The following RPS6KA2 variants were observed in gnomAD, a reference collection of about 807,000 sequenced individuals.
The protein encoded by RPS6KA2 is ribosomal protein S6 kinase alpha-2.
A neutral mutation model predicts 91.8 loss-of-function variants in RPS6KA2; 42 were observed. That is an observed-to-expected ratio of 0.46 (90% CI 0.36 to 0.59). RPS6KA2 has a LOEUF of 0.59. Ranked by LOEUF, RPS6KA2 falls within the 20% of genes least tolerant of loss-of-function variation. The pLI is 0.00. For missense variants in RPS6KA2, 798 were observed against 978.5 expected (o/e 0.82, Z 2.46); for synonymous variants, 414 against 393.6 (o/e 1.05, Z -0.61).
At chr6:166,599,996 A>AGTTTGTTT (rs111718759) in intron 1 of RPS6KA2, among the ~76,000 whole-genome samples, 15 of 151,886 alleles carry the variant, frequency 9.9e-5, no homozygotes, top group East Asian at 5.8e-4. Context: ...GAGGGTGGTA[A>AGTTTGTTT]GTTTGTTTGT....
chr6:166,731,642 T>G (rs1002606065), intron 2 of RPS6KA2, among the ~76,000 whole-genome samples: 1 of 151,878 alleles, frequency 6.6e-6, no homozygotes, highest in Non-Finnish European at 1.5e-5. Flanking sequence ...CCTGCTTGAG[T>G]CGCTCCATTC....
chr6:166,463,936 CAGA>C (rs768578915), intron 11 of RPS6KA2, among the ~76,000 whole-genome samples: 93 of 152,282 alleles, frequency 6.1e-4, no homozygotes, highest in Non-Finnish European at 9.6e-4. Flanking sequence ...GTGGGTCCAA[CAGA>C]AGAAGCACCT....
chr6:166,732,638 C>T lies in RPS6KA2; in HGVS notation c.123+125562G>A, dbSNP rs955950222. Among the ~76,000 whole-genome samples the T allele has an allele frequency of 6.6e-6, 1 of 152,226 alleles. No homozygotes were observed. The highest frequency in any genetic ancestry group is 1.5e-5 in the Non-Finnish European group (1 of 68,050). On this transcript the variant is annotated intron_variant, in intron 2 of 21. Transcript: ENST00000503859. This position sits in a 1 kb window ranked among gnomAD's most constrained non-coding sequence, Gnocchi z 4.0. ...TTCAACCAGCATCAAAGAAAGGAGCCGCCTTTGCAGGGATTGCTGTCTAGG... is the reference window on the plus strand; with the variant it reads ...TTCAACCAGCATCAAAGAAAGGAGCTGCCTTTGCAGGGATTGCTGTCTAGG...
chr6:166,811,304 G>A (rs1779635202), intron 2 of RPS6KA2, among the ~76,000 whole-genome samples: 1 of 152,232 alleles, frequency 6.6e-6, no homozygotes, highest in Non-Finnish European at 1.5e-5. Context: ...GCCTCAGACA[G>A]AGCTTGCCCA....
chr6:166,604,749 A>T (rs1046767764), intron 1 of RPS6KA2, among the ~76,000 whole-genome samples: 4 of 152,222 alleles, frequency 2.6e-5, no homozygotes, highest in Non-Finnish European at 5.9e-5. Flanking sequence ...AATGATCCAC[A>T]CTAATGGAGG....
At chr6:166,792,375 CAA>C (rs201544876) in intron 2 of RPS6KA2, among the ~76,000 whole-genome samples, 45,122 of 151,522 alleles carry the variant, frequency 0.3, 6,945 homozygotes, top group Middle Eastern at 0.34. Flanking sequence ...GCCTACCAAC[CAA>C]AAAAAGTCCA....
At chr6:166,504,061 C>A (rs1384269978) in intron 6 of RPS6KA2, among the ~76,000 whole-genome samples, 1 of 152,168 alleles carries the variant, frequency 6.6e-6, no homozygotes, top group Non-Finnish European at 1.5e-5. Context: ...AAAGGGCTTC[C>A]TGAATCTGGA....
At chr6:166,773,373 T>G (rs1245547092) in intron 2 of RPS6KA2, among the ~76,000 whole-genome samples, 1 of 144,570 alleles carries the variant, frequency 6.9e-6, no homozygotes, top group Non-Finnish European at 1.5e-5. Context: ...CCACTTTTCT[T>G]TTCTTTCTTT....
intron 11 of RPS6KA2, among the ~76,000 whole-genome samples, chr6:166,462,526 A>T (rs960577153): frequency 1.3e-5 from 2 of 152,152 alleles, no homozygotes; most frequent in South Asian, 4.1e-4. Flanking sequence ...AATACTAAGT[A>T]TCTGCTGCTA....
intron 2 of RPS6KA2, among the ~76,000 whole-genome samples, chr6:166,643,722 A>G (rs1787520489): frequency 6.6e-6 from 1 of 152,222 alleles, no homozygotes; most frequent in African/African-American, 2.4e-5. Context: ...TTAATACTGA[A>G]TCCTCCTAAA....
chr6:166,832,739 T>A (rs1352988394), intron 2 of RPS6KA2, among the ~76,000 whole-genome samples: 1 of 152,214 alleles, frequency 6.6e-6, no homozygotes, highest in African/African-American at 2.4e-5. Context: ...ATTAATTTGA[T>A]CTAACTGGGG....
rs1047152034 is a variant in RPS6KA2 at position 166,786,248 on chromosome 6, G to A, written c.123+71952C>T. Among the ~76,000 whole-genome samples, 6 of 152,326 alleles carry A rather than the reference G, an allele frequency of 3.9e-5. No homozygotes were observed. The East Asian group carries it at 1.2e-3, about 29-fold the overall frequency. On this transcript the variant is annotated intron_variant, in intron 2 of 21. Coordinates refer to the RPS6KA2 transcript ENST00000503859. ...AACACAGGAGTGGCAGCCTGGCTCA[G>A]CCAGCCCAGAAAAATGTCTTTAAAA...
At chr6:166,834,021 A>C (rs937997519) in intron 2 of RPS6KA2, among the ~76,000 whole-genome samples, 1 of 152,104 alleles carries the variant, frequency 6.6e-6, no homozygotes, top group Non-Finnish European at 1.5e-5. Flanking sequence ...GATGTGAGTC[A>C]CCATGCCTGT....
In RPS6KA2 at chr6:166,580,975, C is replaced by G. The variant is rs1438084395; in HGVS notation, c.100-42191G>C. 2.6e-5 allele frequency among the ~76,000 whole-genome samples: 4 copies of G among 152,274 alleles called. No individual in the cohort carries two copies. The East Asian group carries it at 7.7e-4, about 29-fold the overall frequency. ...GGAATGCAGTGGCGCAATCTCGGCT[C>G]ACTGCAACCTCTGCCTCCCAGGTTC... On this transcript the variant is annotated intron_variant, in intron 1 of 20. Coordinates refer to ENST00000265678, the MANE Select transcript of RPS6KA2 (RefSeq NM_021135.6).
intron 2 of RPS6KA2, chr6:166,757,495 G>A (rs748705700): frequency 2.2e-6 from 1 of 455,928 alleles, no homozygotes; most frequent in South Asian, 1.6e-5. Context: ...CAAGCTCCCT[G>A]GGACCCCCAT....
chr6:166,724,239 G>C (rs1240432594), intron 2 of RPS6KA2, among the ~76,000 whole-genome samples: 2 of 152,076 alleles, frequency 1.3e-5, no homozygotes, highest in Non-Finnish European at 2.9e-5. Flanking sequence ...ATGAGTTAAA[G>C]TTTCCTAACT....
At chr6:166,718,686 T>A (rs1790089283) in intron 2 of RPS6KA2, among the ~76,000 whole-genome samples, 1 of 152,160 alleles carries the variant, frequency 6.6e-6, no homozygotes, top group African/African-American at 2.4e-5. Context: ...TACAGACGTA[T>A]CTGTAAATCT....
upstream of RPS6KA2, chr6:166,627,349 C>T (rs1786931220): frequency 6.7e-6 from 3 of 446,038 alleles, no homozygotes; most frequent in African/African-American, 6.4e-5. Flanking sequence ...ACCTCCTCCT[C>T]CTCCGCCCCG....
chr6:166,542,606 C>A (rs930608511), intron 1 of RPS6KA2, among the ~76,000 whole-genome samples: 5 of 152,194 alleles, frequency 3.3e-5, no homozygotes, highest in Admixed American at 3.3e-4. Flanking sequence ...CAAATTGTGA[C>A]AAGGAATTTT....
Sources: allele counts gnomAD v4.1 joint callset (sites outside exome capture counted in the v4.1 genomes callset), GRCh38; gene constraint gnomAD v4.1.1; non-coding constraint Gnocchi (gnomAD v3.1); transcripts MANE v1.5; gene names NCBI Gene and HGNC (gene_info 2026-07-23, HGNC 2026-07-21).